Variants in DLG2 observed in about 807,000 individuals in gnomAD.
The protein encoded by DLG2 is discs large MAGUK scaffold protein 2, also known as disks large homolog 2.
In DLG2, 45 loss-of-function variants were observed where a neutral mutation model predicts 132.5. The ratio of observed to expected loss-of-function variants is 0.34; its 90% CI spans 0.27 to 0.44. The LOEUF (loss-of-function observed/expected upper bound fraction) is 0.44. DLG2 is among the 20% of genes least tolerant of loss of function. The pLI, the probability that DLG2 is intolerant of heterozygous loss-of-function variation, is 1.00. For synonymous variants in DLG2, 424 were observed against 419.6 expected (o/e 1.01, Z -0.13); for missense variants, 1,045 against 1,196.9 (o/e 0.87, Z 1.87).
chr11:83,465,929 T>C (rs774302246), intron 26 of DLG2, among the ~76,000 whole-genome samples: 1 of 152,200 alleles, frequency 6.6e-6, no homozygotes, highest in Non-Finnish European at 1.5e-5. Flanking sequence ...CTATCTACTG[T>C]AGCTTCACCT....
At chr11:83,926,474 TTTC>T (rs2078999138) in intron 15 of DLG2, among the ~76,000 whole-genome samples, 1 of 152,144 alleles carries the variant, frequency 6.6e-6, no homozygotes, top group Non-Finnish European at 1.5e-5. Context: ...AAATCAGGCA[TTTC>T]TTCAACATTT....
At chr11:85,595,462 G>C (rs189764200) in intron 3 of DLG2, among the ~76,000 whole-genome samples, 2 of 152,134 alleles carry the variant, frequency 1.3e-5, no homozygotes, top group East Asian at 3.9e-4. Flanking sequence ...TGTTTCCTTA[G>C]TATTACCACA....
chr11:84,990,509 A>G (rs1007173284), intron 6 of DLG2, among the ~76,000 whole-genome samples: 1 of 152,078 alleles, frequency 6.6e-6, no homozygotes, highest in African/African-American at 2.4e-5. Flanking sequence ...TGCTGATACC[A>G]TGCTCTTGGA....
chr11:83,631,459 G>A (rs1047524404), intron 19 of DLG2: 4 of 152,022 alleles, frequency 2.6e-5, no homozygotes, highest in South Asian at 2.1e-4. Context: ...TCATTAAAAA[G>A]AGGTTCCTCC....
At chr11:85,210,697 A>G (rs1364508662) in intron 4 of DLG2, among the ~76,000 whole-genome samples, 1 of 152,140 alleles carries the variant, frequency 6.6e-6, no homozygotes, top group Admixed American at 6.6e-5. Flanking sequence ...GGTCCCAGCC[A>G]GTATTTCAGC....
At chr11:85,132,413 C>T (rs2152412353) in intron 5 of DLG2, among the ~76,000 whole-genome samples, 1 of 152,040 alleles carries the variant, frequency 6.6e-6, no homozygotes, top group South Asian at 2.1e-4. Flanking sequence ...AGAAAGACTG[C>T]CCTGATATGT....
intron 6 of DLG2, among the ~76,000 whole-genome samples, chr11:85,066,536 A>C: frequency 6.6e-6 from 1 of 151,794 alleles, no homozygotes; most frequent in Non-Finnish European, 1.5e-5. Context: ...AGAGGCAAAA[A>C]TTCTCAACAA....
intron 21 of DLG2, among the ~76,000 whole-genome samples, chr11:83,510,447 G>C (rs565007076): frequency 6.6e-6 from 1 of 152,278 alleles, no homozygotes; most frequent in South Asian, 2.1e-4. Flanking sequence ...TGTTGTGACT[G>C]ATTGAATAAT....
At chr11:85,009,699 A>G (rs892919993) in intron 6 of DLG2, among the ~76,000 whole-genome samples, 1 of 152,118 alleles carries the variant, frequency 6.6e-6, no homozygotes, top group African/African-American at 2.4e-5. Flanking sequence ...CCAGTTATAC[A>G]AACGCCAAGA....
intron 11 of DLG2, among the ~76,000 whole-genome samples, chr11:84,056,344 G>C (rs968978260): frequency 5.3e-5 from 8 of 152,030 alleles, no homozygotes; most frequent in Non-Finnish European, 1.0e-4. Flanking sequence ...TACTGCATTA[G>C]TTTGCTGAAA....
At chr11:84,600,682 G>A (rs539410241) in intron 6 of DLG2, among the ~76,000 whole-genome samples, 127 of 152,134 alleles carry the variant, frequency 8.3e-4, no homozygotes, top group Non-Finnish European at 1.7e-3. Context: ...GCAGTATTTA[G>A]TGTCAAGACC....
intron 12 of DLG2, among the ~76,000 whole-genome samples, chr11:83,978,942 G>A (rs997055677): frequency 6.6e-6 from 1 of 152,054 alleles, no homozygotes; most frequent in Non-Finnish European, 1.5e-5. Flanking sequence ...ACCCAGTTTT[G>A]TCCATTATTA....
At chr11:85,396,902 C>T (rs1027752159) in intron 3 of DLG2, among the ~76,000 whole-genome samples, 2 of 152,272 alleles carry the variant, frequency 1.3e-5, no homozygotes, top group South Asian at 4.1e-4. Flanking sequence ...GGCAGGCCAA[C>T]ATTCAAATTC....
intron 6 of DLG2, among the ~76,000 whole-genome samples, chr11:84,902,201 C>T (rs2090972271): frequency 1.3e-5 from 2 of 152,130 alleles, no homozygotes; most frequent in African/African-American, 4.8e-5. Flanking sequence ...TGGCAACATA[C>T]TTGCTTACAG....
chr11:83,463,501 C>G (rs1031306171), intron 26 of DLG2, among the ~76,000 whole-genome samples: 2 of 152,290 alleles, frequency 1.3e-5, no homozygotes, highest in Non-Finnish European at 1.5e-5. Flanking sequence ...GTCAAGAAAT[C>G]ATGTGGGCCA....
At chr11:83,742,344 A>T (rs901047158) in intron 18 of DLG2, among the ~76,000 whole-genome samples, 1 of 152,026 alleles carries the variant, frequency 6.6e-6, no homozygotes, top group Non-Finnish European at 1.5e-5. Flanking sequence ...GTGTACCTTA[A>T]ATATATATAG....
chr11:84,862,630 G>A (rs2083896889), intron 6 of DLG2, among the ~76,000 whole-genome samples: 1 of 152,004 alleles, frequency 6.6e-6, no homozygotes, highest in Admixed American at 6.6e-5. Context: ...CCATAGAATA[G>A]CATGCAGTCA....
At chr11:84,978,179 A>T (rs1056128261) in intron 6 of DLG2, among the ~76,000 whole-genome samples, 2 of 152,228 alleles carry the variant, frequency 1.3e-5, no homozygotes, top group Non-Finnish European at 2.9e-5. Context: ...AAAGATTTCC[A>T]GAGAAAACTC....
At chr11:83,461,387 T>C (rs575806042) in intron 27 of DLG2, among the ~76,000 whole-genome samples, 1 of 152,178 alleles carries the variant, frequency 6.6e-6, no homozygotes, top group African/African-American at 2.4e-5. Flanking sequence ...TATGAAAGTA[T>C]ATAGGAATAC....
Sources: allele counts gnomAD v4.1 joint callset (sites outside exome capture counted in the v4.1 genomes callset), GRCh38; gene constraint gnomAD v4.1.1; transcripts MANE v1.5; gene names NCBI Gene and HGNC (gene_info 2026-07-23, HGNC 2026-07-21).